Variants in PARD6G observed in about 807,000 individuals in gnomAD.
The protein encoded by PARD6G is partitioning defective 6 homolog gamma.
PARD6G carries 7 observed loss-of-function variants against 10.7 expected under a neutral mutation model. The observed-to-expected ratio is 0.66, with a 90% confidence interval of 0.37 to 1.23. The LOEUF is 1.23. PARD6G is among the 50% of genes most tolerant of loss of function. The pLI is 0.02. For synonymous variants in PARD6G, 287 were observed against 269.4 expected (o/e 1.07, Z -0.64); for missense variants, 548 against 571.8 (o/e 0.96, Z 0.42).
In PARD6G at chr18:80,231,950, T is replaced by G. The variant is rs531660781; in HGVS notation, c.72+15327A>C. Among the ~76,000 whole-genome samples the G allele has an allele frequency of 3.3e-5, 5 of 152,354 alleles. No individual in the cohort carries two copies. The highest frequency in any genetic ancestry group is 1.3e-4 in the Admixed American group (2 of 15,304). Reference sequence around the variant, plus strand: ...GGCTCACACTGTGGGCCTGAGCTGCTGGCAGATTCAGCCTTCCGGCAGCTG... The same window carrying G: ...GGCTCACACTGTGGGCCTGAGCTGCGGGCAGATTCAGCCTTCCGGCAGCTG... On this transcript the variant is annotated intron_variant, in intron 1 of 2. Transcript: ENST00000353265. This position sits in a 1 kb window ranked among gnomAD's most constrained non-coding sequence, Gnocchi z 4.2.
At chr18:80,237,910 T>G (rs562782352) in intron 1 of PARD6G, among the ~76,000 whole-genome samples, 75 of 152,214 alleles carry the variant, frequency 4.9e-4, no homozygotes, top group Middle Eastern at 3.4e-3. Context: ...GACTGTAAAC[T>G]AATTCAACCA....
At chr18:80,164,328 C>A (rs1038224317) in intron 2 of PARD6G, among the ~76,000 whole-genome samples, 1 of 152,194 alleles carries the variant, frequency 6.6e-6, no homozygotes, top group African/African-American at 2.4e-5. Context: ...TCCTCCTGGC[C>A]AAGTCCCAAC....
At chr18:80,163,681 G>T (rs1285829472) in intron 2 of PARD6G, among the ~76,000 whole-genome samples, 1 of 152,206 alleles carries the variant, frequency 6.6e-6, no homozygotes, top group Non-Finnish European at 1.5e-5. Context: ...CTCAAGCCCA[G>T]AACTGTAGGA....
chr18:80,167,988 G>A (rs1302079905), intron 2 of PARD6G, among the ~76,000 whole-genome samples: 7 of 152,184 alleles, frequency 4.6e-5, no homozygotes, highest in African/African-American at 9.7e-5. Context: ...CAGTGGCTCC[G>A]TGGAGGAAAC....
At chr18:80,214,912 C>T (rs1369483491) in intron 1 of PARD6G, among the ~76,000 whole-genome samples, 3 of 151,924 alleles carry the variant, frequency 2.0e-5, no homozygotes, top group Non-Finnish European at 2.9e-5. Context: ...TACCTAGACA[C>T]ATCACATGCA....
Position 80,160,572 on chromosome 18 carries a change from C to T in PARD6G, c.330G>A (p.Ser110=). ...EAERGSLGAG[S]LCRRRRALGA... is the part of the protein sequence containing the mutation. ...CCAGCGCCCGCCTCCGCCTGCACAGCGAGCCCGCGCCGAGGCTGCCACGCT... is the reference window on the plus strand; with the variant it reads ...CCAGCGCCCGCCTCCGCCTGCACAGTGAGCCCGCGCCGAGGCTGCCACGCT... Residue 110 remains serine (S), a synonymous_variant, in exon 3 of 3, where the codon TCG becomes TCA. Coordinates refer to ENST00000353265, the MANE Select transcript of PARD6G (RefSeq NM_032510.4). The T allele has an allele frequency of 2.1e-6, 3 of 1,461,654 alleles. No individual in the cohort carries two copies. Among genetic ancestry groups the T allele is most frequent in the Non-Finnish European group, 1.8e-6 (2 of 1,110,316 alleles). The allele number at this position is 1,461,654 out of a possible 1,614,324, so 90.5% of individuals were successfully genotyped here. A position where few individuals can be genotyped will look rare whatever the true frequency, so the allele number is the denominator to read the frequency against.
At chr18:80,196,695 C>G (rs139471731) in intron 2 of PARD6G, among the ~76,000 whole-genome samples, 2 of 152,070 alleles carry the variant, frequency 1.3e-5, no homozygotes, top group Non-Finnish European at 2.9e-5. Flanking sequence ...CTGCAGGGCT[C>G]GGCTTCATGT....
chr18:80,162,501 G>A (rs1450395788), intron 2 of PARD6G: 1 of 169,250 alleles, frequency 5.9e-6, no homozygotes, highest in Non-Finnish European at 1.5e-5. Flanking sequence ...GGCTATGGTT[G>A]TGCTTGTTTT....
At chr18:80,240,913 C>A (rs1029264342) in intron 1 of PARD6G, among the ~76,000 whole-genome samples, 1 of 152,076 alleles carries the variant, frequency 6.6e-6, no homozygotes, top group Non-Finnish European at 1.5e-5. Flanking sequence ...GGATGTTGTA[C>A]GTTTTACCCC....
chr18:80,168,918 T>A (rs946451460), intron 2 of PARD6G: 18 of 169,208 alleles, frequency 1.1e-4, no homozygotes, highest in Non-Finnish European at 1.5e-5. Context: ...TTCTTACAAA[T>A]AACCCCTTCT....
intron 2 of PARD6G, among the ~76,000 whole-genome samples, chr18:80,179,994 A>G (rs11659187): frequency 0.19 from 29,461 of 152,182 alleles, 3,012 homozygotes; most frequent in Middle Eastern, 0.31. Flanking sequence ...AGCTGGTCTC[A>G]CCTCTGTCTA....
rs1599853237 is a variant in PARD6G, at chr18:80,182,227, G to A, written c.295+20483C>T. 6.6e-6 allele frequency among the ~76,000 whole-genome samples: 1 copy of A among 152,122 alleles called. No individual in the cohort carries two copies. The highest frequency in any genetic ancestry group is 2.1e-4 in the South Asian group (1 of 4,824). ...TGTGACCAACTGGGCTGCCTTTGAC[G>A]AGCTGCTCTGAGGAACAGCAGCCAC... is the stretch of plus-strand genomic sequence containing the variant. On this transcript the variant is annotated intron_variant, in intron 2 of 2. Coordinates refer to ENST00000353265, the MANE Select transcript of PARD6G (RefSeq NM_032510.4). The surrounding 1 kb of genome is among the most constrained non-coding windows in gnomAD (Gnocchi z 4.5).
In PARD6G at chr18:80,174,737, G is replaced by A. The variant is rs946375715; in HGVS notation, c.296-14131C>T. ...TGGGAGGCCGAGGCGGGCGGATCAC[G>A]AGGTCAGGAGATCGAGACCATCCTG... On this transcript the variant is annotated intron_variant, in intron 2 of 2. Transcript: ENST00000353265. Among the ~76,000 whole-genome samples, 6 of 151,982 alleles carry A rather than the reference G, an allele frequency of 3.9e-5. No homozygotes were observed. In the East Asian group the frequency reaches 5.8e-4, roughly 15 times the overall value.
intron 1 of PARD6G, among the ~76,000 whole-genome samples, chr18:80,217,153 C>G (rs960717296): frequency 6.6e-6 from 1 of 151,990 alleles, no homozygotes; most frequent in Non-Finnish European, 1.5e-5. Context: ...AAATAGAAAC[C>G]AACAGAAAAA....
In PARD6G at chr18:80,217,079, C is replaced by T. The variant is rs945541858; in HGVS notation, c.73-14147G>A. Among the ~76,000 whole-genome samples the T allele has an allele frequency of 3.9e-5, 6 of 151,944 alleles. No individual in the cohort carries two copies. The East Asian group carries it at 7.7e-4, about 20-fold the overall frequency. ...GATGTGCCTTGGGTATTTTATAATA[C>T]CAGAAAGTAAAGAAGTGCCCCAAAA... On this transcript the variant is annotated intron_variant, in intron 1 of 2. Coordinates refer to ENST00000353265, the MANE Select transcript of PARD6G (RefSeq NM_032510.4).
chr18:80,234,408 G>A (rs1398047347), intron 1 of PARD6G, among the ~76,000 whole-genome samples: 2 of 152,198 alleles, frequency 1.3e-5, no homozygotes, highest in Non-Finnish European at 2.9e-5. Flanking sequence ...AATTCTGTAA[G>A]ATAAAGGATC....
At chr18:80,205,246 C>T (rs528434336) in intron 1 of PARD6G, among the ~76,000 whole-genome samples, 3 of 152,132 alleles carry the variant, frequency 2.0e-5, no homozygotes, top group East Asian at 3.8e-4. Context: ...AGCATGTAGG[C>T]GATGCAGATT....
intron 1 of PARD6G, among the ~76,000 whole-genome samples, chr18:80,224,389 C>G (rs979928946): frequency 6.6e-6 from 1 of 152,148 alleles, no homozygotes; most frequent in African/African-American, 2.4e-5. Context: ...ATCCTTTTGG[C>G]CTGCCTGACT....
intron 2 of PARD6G, among the ~76,000 whole-genome samples, chr18:80,176,992 C>G (rs1260598958): frequency 6.8e-6 from 1 of 147,714 alleles, no homozygotes; most frequent in African/African-American, 2.5e-5. Flanking sequence ...GGATAAATCA[C>G]AGCCCAAAAG....
Sources: gnomAD v4.1 joint callset for allele counts (sites outside exome capture counted in the v4.1 genomes callset) on GRCh38, gnomAD v4.1.1 for gene constraint, Gnocchi (gnomAD v3.1) non-coding constraint, MANE v1.5 for transcripts, NCBI Gene and HGNC (gene_info 2026-07-23, HGNC 2026-07-21) for gene names.